Variants in PRAMEF11 observed in about 807,000 individuals in gnomAD.
PRAMEF11 encodes PRAME family member 11.
A neutral mutation model predicts 33.6 loss-of-function variants in PRAMEF11; 17 were observed. The ratio of observed to expected loss-of-function variants is 0.51; its 90% CI spans 0.35 to 0.76. PRAMEF11 has a LOEUF of 0.76. Ranked by LOEUF, PRAMEF11 falls within the 30% of genes least tolerant of loss-of-function variation. The pLI is 0.01. For missense variants in PRAMEF11, 568 were observed against 567.0 expected (o/e 1.00, Z -0.02); for synonymous variants, 205 against 227.3 (o/e 0.90, Z 0.88).
Position 12,824,775 on chromosome 1 carries a change from T to A in PRAMEF11, c.*167A>T. 1 of 1,105,268 alleles carries A rather than the reference T, an allele frequency of 9.0e-7. No individual in the cohort carries two copies. The highest frequency in any genetic ancestry group is 1.3e-6 in the Non-Finnish European group (1 of 780,890). 68.5% of individuals were successfully genotyped at this position (1,105,268 alleles called of 1,614,324 possible). A position where few individuals can be genotyped will look rare whatever the true frequency, so the allele number is the denominator to read the frequency against. The stretch of plus-strand genomic sequence containing the variant: ...GTCCCATTGAATCCATGGCAACATT[T>A]CCCCCAAGTCCTGCCCCTGCTTGAT... On this transcript the variant is annotated 3_prime_UTR_variant, in exon 4 of 4. Transcript: ENST00000619922.
At chr1:12,829,521 C>A (rs1639961316) in intron 1 of PRAMEF11, among the ~76,000 whole-genome samples, 1 of 151,220 alleles carries the variant, frequency 6.6e-6, no homozygotes, top group Non-Finnish European at 1.5e-5. Context: ...CCTCCTCAGC[C>A]TCTCAAGTAG....
Position 12,825,269 on chromosome 1 carries a change from G to A in PRAMEF11, c.1110C>T (p.Asn370=), listed in dbSNP as rs201757978. The A allele has an allele frequency of 2.3e-5, 37 of 1,602,698 alleles. No homozygotes were observed. Among genetic ancestry groups the A allele is most frequent in the Admixed American group, 8.5e-5 (5 of 59,088 alleles). Residue 370 remains asparagine (N), a synonymous_variant, in exon 4 of 4, where the codon AAC becomes AAT. Transcript: ENST00000619922. ...DDCGIIDSQV[N]AILPALSRCF... Reference sequence around the variant, plus strand: ...AGCGGCTCAGGGCAGGCAGGATGGCGTTGACTTGGGAGTCTATGATGCCAC... The same window carrying A: ...AGCGGCTCAGGGCAGGCAGGATGGCATTGACTTGGGAGTCTATGATGCCAC...
At chr1:12,828,337 C>G (rs2743667) in intron 2 of PRAMEF11, among the ~76,000 whole-genome samples, 160 bp downstream of exon 2, 5,272 of 141,628 alleles carry the variant, frequency 0.037, 178 homozygotes, top group Middle Eastern at 0.044. Context: ...TGGACCTTGC[C>G]TGGTGAGCAG....
In PRAMEF11 at chr1:12,828,136, C is replaced by A. The variant is rs1291957766; in HGVS notation, c.294-306G>T. Among the ~76,000 whole-genome samples the A allele has an allele frequency of 1.3e-5, 2 of 149,760 alleles. 1 individual carries two copies. Among genetic ancestry groups the A allele is most frequent in the Admixed American group, 1.3e-4 (2 of 14,894 alleles). On this transcript the variant is annotated intron_variant, in intron 2 of 3. Coordinates refer to ENST00000619922, the MANE Select transcript of PRAMEF11 (RefSeq NM_001146344.3). ...AAGTAGCTGGGATTACAGGAACCCA[C>A]CACCATGCCCAGCTAATTTTAGTAT... is the stretch of plus-strand genomic sequence containing the variant.
chr1:12,828,862 C>T (rs745663953), intron 1 of PRAMEF11, 57 bp from the exon 2 acceptor site: 21 of 1,601,292 alleles, frequency 1.3e-5, no homozygotes, highest in Admixed American at 8.5e-5. Context: ...CCCATGCAAT[C>T]TCATCTTCTC....
At chr1:12,828,333 T>A (rs895880051) in intron 2 of PRAMEF11, among the ~76,000 whole-genome samples, 164 bp downstream of exon 2, 1 of 148,186 alleles carries the variant, frequency 6.7e-6, no homozygotes, top group Non-Finnish European at 1.5e-5. Context: ...TCTATGGACC[T>A]TGCCTGGTGA....
chr1:12,824,612 G>A lies in PRAMEF11; in HGVS notation c.*330C>T. ...TAATAGAGGGCACCAGACAGATTCT[G>A]CTCAGTTTTCCTTTATTTCTGATTG... On this transcript the variant is annotated 3_prime_UTR_variant, in exon 4 of 4. Transcript: ENST00000619922. 1 of 304,866 alleles carries A rather than the reference G, an allele frequency of 3.3e-6. No homozygotes were observed. Among genetic ancestry groups the A allele is most frequent in the Non-Finnish European group, 6.1e-6 (1 of 163,906 alleles). 18.9% of individuals were successfully genotyped at this position (304,866 alleles called of 1,614,324 possible). A position where few individuals can be genotyped will look rare whatever the true frequency, so the allele number is the denominator to read the frequency against.
chr1:12,827,064 ACT>A (rs1639884324), intron 3 of PRAMEF11, among the ~76,000 whole-genome samples, 183 bp downstream of exon 3: 1 of 147,820 alleles, frequency 6.8e-6, no homozygotes, highest in Non-Finnish European at 1.5e-5. Context: ...GATCCCTCTG[ACT>A]CTATTGGGAG....
chr1:12,831,057 C>G (rs2743665), intron 1 of PRAMEF11, among the ~76,000 whole-genome samples: 52,253 of 148,914 alleles, frequency 0.35, 11,007 homozygotes, highest in East Asian at 0.51. Flanking sequence ...CCAGGTTGGT[C>G]TCAAACCCCT....
chr1:12,825,995 T>G (rs985343386), intron 3 of PRAMEF11, among the ~76,000 whole-genome samples: 2 of 144,940 alleles, frequency 1.4e-5, no homozygotes, highest in Non-Finnish European at 3.0e-5. Flanking sequence ...GGAGAAAAAA[T>G]AATTCCATTT....
In PRAMEF11 at chr1:12,825,314, C is replaced by G. The variant is rs767210438; in HGVS notation, c.1065G>C (p.Glu355Asp). The change falls in exon 4 of 4, where the codon GAG becomes GAC. Residue 355 changes from glutamate (E) to aspartate (D), a missense_variant. Glu to Asp is a conservative substitution (Grantham distance 45). Transcript: ENST00000619922. ...TGCCACAGTCATCTAAATCCAGGTA[C>G]TCAAGGGTGGCTGCAACTTTTTCTA... ...ILLEKVAATL[E>D]YLDLDDCGII... 6.3e-7 allele frequency: 1 copy of G among 1,593,274 alleles called. No individual in the cohort carries two copies. Among genetic ancestry groups the G allele is most frequent in the South Asian group, 1.1e-5 (1 of 89,718 alleles).
intron 3 of PRAMEF11, among the ~76,000 whole-genome samples, chr1:12,826,816 G>T (rs1430825196): frequency 4.0e-5 from 6 of 151,176 alleles, no homozygotes; most frequent in African/African-American, 1.5e-4. Flanking sequence ...TTTCTGACAG[G>T]GGTCTTGGGA....
chr1:12,827,713 C>T lies in PRAMEF11; in HGVS notation c.411G>A (p.Val137=), dbSNP rs1639904215. Residue 137 remains valine, a synonymous_variant, in exon 3 of 4, where the codon GTG becomes GTA. Transcript: ENST00000619922. ...FLNAKRNKKP[V]QDCPRMRGRQ... ...GTCCTCTCATCCTTGGACAGTCCTG[C>T]ACTGGTTTTTTGTTCCTCTTGGCAT... 6.2e-7 allele frequency: 1 copy of T among 1,609,958 alleles called. No individual in the cohort carries two copies. The highest frequency in any genetic ancestry group is 8.5e-7 in the Non-Finnish European group (1 of 1,178,112).
intron 1 of PRAMEF11, 79 bp from the exon 2 acceptor site, chr1:12,828,884 G>A (rs1248196670): frequency 1.3e-6 from 2 of 1,587,746 alleles, no homozygotes; most frequent in Non-Finnish European, 8.6e-7. Flanking sequence ...CAGGGCCAAA[G>A]TCACTGCTCT....
chr1:12,824,728 C>G lies in PRAMEF11; in HGVS notation c.*214G>C. The G allele has an allele frequency of 5.5e-6, 4 of 725,870 alleles. No homozygotes were observed. Among genetic ancestry groups the G allele is most frequent in the Non-Finnish European group, 8.8e-6 (4 of 453,538 alleles). The allele number at this position is 725,870 out of a possible 1,614,324, so 45.0% of individuals were successfully genotyped here. A position where few individuals can be genotyped will look rare whatever the true frequency, so the allele number is the denominator to read the frequency against. On this transcript the variant is annotated 3_prime_UTR_variant, in exon 4 of 4. Coordinates refer to ENST00000619922, the MANE Select transcript of PRAMEF11 (RefSeq NM_001146344.3). ...GACATTCAGATTCCCATTTTCGACT[C>G]TACAGGATACAGGTTCCCAAAGTCC...
rs1286542514 is a variant in PRAMEF11, at chr1:12,830,050, A to G, written c.-16-1245T>C. Among the ~76,000 whole-genome samples the G allele has an allele frequency of 1.6e-3, 247 of 150,324 alleles. 7 individuals are homozygous for G. The highest frequency in any genetic ancestry group is 7.1e-3 in the South Asian group (33 of 4,622). On this transcript the variant is annotated intron_variant, in intron 1 of 3. Transcript: ENST00000619922. The stretch of plus-strand genomic sequence containing the variant: ...TCACTGATTCCCTTCACAAACATGG[A>G]GTTTTACTAATATGTGTCCTTCAAA...
At chr1:12,826,376 C>T (rs1639867962) in intron 3 of PRAMEF11, among the ~76,000 whole-genome samples, 1 of 151,162 alleles carries the variant, frequency 6.6e-6, no homozygotes, top group South Asian at 2.1e-4. Flanking sequence ...AACTGTGGGG[C>T]ACAAAGCTGA....
chr1:12,830,494 A>G (rs1250495458), intron 1 of PRAMEF11, among the ~76,000 whole-genome samples: 2 of 151,292 alleles, frequency 1.3e-5, no homozygotes, highest in African/African-American at 4.8e-5. Flanking sequence ...TTTAAAATTA[A>G]GGTCAAAGAT....
intron 1 of PRAMEF11, among the ~76,000 whole-genome samples, chr1:12,829,094 C>T (rs554951912): frequency 1.3e-5 from 2 of 151,440 alleles, no homozygotes; most frequent in Non-Finnish European, 1.5e-5. Context: ...TGAACCCCTC[C>T]TACCATTGGG....
Sources: gnomAD v4.1 joint callset for allele counts (sites outside exome capture counted in the v4.1 genomes callset) on GRCh38, gnomAD v4.1.1 for gene constraint, MANE v1.5 for transcripts, NCBI Gene and HGNC (gene_info 2026-07-23, HGNC 2026-07-21) for gene names.